Variants in PELI2 observed in about 807,000 individuals in gnomAD.
PELI2 encodes E3 ubiquitin-protein ligase pellino homolog 2.
PELI2 carries 23 observed loss-of-function variants against 42.3 expected under a neutral mutation model. The ratio of observed to expected loss-of-function variants is 0.54; its 90% CI spans 0.39 to 0.77. The LOEUF (loss-of-function observed/expected upper bound fraction) is 0.77, where lower values mean the gene tolerates loss of function less well. Ranked by LOEUF, PELI2 falls within the 30% of genes least tolerant of loss-of-function variation. The pLI is 0.00. For missense variants in PELI2, 463 were observed against 553.2 expected (o/e 0.84, Z 1.64); for synonymous variants, 245 against 212.2 (o/e 1.15, Z -1.34).
intron 3 of PELI2, among the ~76,000 whole-genome samples, chr14:56,287,996 A>T (rs1054607682): frequency 3.3e-5 from 5 of 152,132 alleles, no homozygotes; most frequent in Admixed American, 6.5e-5. Context: ...AATCCAAGAG[A>T]TAAAATCTGA....
At chr14:56,230,780 G>A (rs1255998201) in intron 2 of PELI2, among the ~76,000 whole-genome samples, 5 of 152,196 alleles carry the variant, frequency 3.3e-5, no homozygotes, top group Admixed American at 6.5e-5. Context: ...TGGGCTAAAT[G>A]TTCCAATTAA....
intron 4 of PELI2, among the ~76,000 whole-genome samples, chr14:56,289,951 A>G (rs188091887): frequency 2.6e-5 from 4 of 152,312 alleles, no homozygotes; most frequent in African/African-American, 9.6e-5. Context: ...AAAACACACC[A>G]GATTCCTGGA....
intron 1 of PELI2, among the ~76,000 whole-genome samples, chr14:56,120,337 A>G (rs1883015992): frequency 6.6e-6 from 1 of 152,200 alleles, no homozygotes; most frequent in Non-Finnish European, 1.5e-5. Flanking sequence ...ACTTTATTTC[A>G]TTATTTCCTT....
chr14:56,172,164 G>T (rs1484447582), intron 1 of PELI2, among the ~76,000 whole-genome samples: 1 of 152,168 alleles, frequency 6.6e-6, no homozygotes, highest in Non-Finnish European at 1.5e-5. Context: ...AATTCTGTGG[G>T]TCAGGAGTTT....
At chr14:56,282,584 A>T (rs1330925622) in intron 3 of PELI2, among the ~76,000 whole-genome samples, 1 of 151,978 alleles carries the variant, frequency 6.6e-6, no homozygotes, top group East Asian at 1.9e-4. Flanking sequence ...TTAGATATTT[A>T]AAAACTAAAT....
intron 2 of PELI2, among the ~76,000 whole-genome samples, chr14:56,184,595 C>T (rs966835167): frequency 6.6e-6 from 1 of 151,814 alleles, no homozygotes; most frequent in East Asian, 1.9e-4. Context: ...ACAGAACAAT[C>T]CAATAAATAA....
intron 2 of PELI2, among the ~76,000 whole-genome samples, chr14:56,185,982 A>G (rs1339347958): frequency 1.3e-5 from 2 of 152,194 alleles, no homozygotes; most frequent in Non-Finnish European, 2.9e-5. Context: ...ATTACCTTAC[A>G]TGGCAAAAGG....
chr14:56,262,503 C>T (rs770430872), intron 2 of PELI2, among the ~76,000 whole-genome samples: 12 of 152,140 alleles, frequency 7.9e-5, no homozygotes, highest in East Asian at 1.9e-4. Flanking sequence ...CAATTCTTTT[C>T]GCCATTAATT....
intron 2 of PELI2, among the ~76,000 whole-genome samples, chr14:56,247,472 C>T (rs555380481): frequency 6.6e-6 from 1 of 152,284 alleles, no homozygotes; most frequent in African/African-American, 2.4e-5. Flanking sequence ...TCTGAACCTA[C>T]ACATATAAAT....
At position 56,203,812 on chromosome 14, in the gene PELI2, A is replaced by T. The variant is rs115796247; in HGVS notation, c.207+25348A>T. On this transcript the variant is annotated intron_variant, in intron 2 of 5. Coordinates refer to ENST00000267460, the MANE Select transcript of PELI2 (RefSeq NM_021255.3). ...GGAAAGGGATTATGGCTATATATAC[A>T]GGAGGTCTCACCCTACTCTAAATTA... is the stretch of plus-strand genomic sequence containing the variant. Among the ~76,000 whole-genome samples, 190 of 152,300 alleles carry T rather than the reference A, an allele frequency of 1.2e-3. 2 individuals carry two copies. The highest frequency in any genetic ancestry group is 4.1e-3 in the African/African-American group (172 of 41,566).
chr14:56,275,803 C>T (rs1233445333), intron 2 of PELI2, among the ~76,000 whole-genome samples: 1 of 152,176 alleles, frequency 6.6e-6, no homozygotes, highest in Non-Finnish European at 1.5e-5. Flanking sequence ...ACACAGCAAG[C>T]TGCTTGAGCT....
chr14:56,118,778 G>A (rs1339388460), intron 1 of PELI2, 41 bp downstream of exon 1: 7 of 1,359,342 alleles, frequency 5.1e-6, no homozygotes, highest in African/African-American at 1.5e-5. Flanking sequence ...CGGCGCGGGC[G>A]GGGAGCGCCC....
chr14:56,256,374 C>A (rs940373694), intron 2 of PELI2, among the ~76,000 whole-genome samples: 1 of 151,932 alleles, frequency 6.6e-6, no homozygotes, highest in Non-Finnish European at 1.5e-5. Context: ...ATCTCTTGAA[C>A]CTAAAAAGAT....
intron 1 of PELI2, among the ~76,000 whole-genome samples, chr14:56,126,115 G>A (rs1384026337): frequency 6.6e-6 from 1 of 152,148 alleles, no homozygotes; most frequent in Non-Finnish European, 1.5e-5. Context: ...CTTTTTGTCA[G>A]TCACCTAGCA....
In PELI2 at chr14:56,207,142, C is replaced by T. The variant is rs984085189; in HGVS notation, c.207+28678C>T. 2.0e-5 allele frequency among the ~76,000 whole-genome samples: 3 copies of T among 152,080 alleles called. No homozygotes were observed. The East Asian group carries it at 5.8e-4, about 29-fold the overall frequency. On this transcript the variant is annotated intron_variant, in intron 2 of 5. Transcript: ENST00000267460. ...TATCTTTTCTCCTCACCCTTAGACA[C>T]ATGCTAAGATTACTAGATTACTAGT...
chr14:56,267,559 A>G (rs1490905718), intron 2 of PELI2, among the ~76,000 whole-genome samples: 1 of 152,194 alleles, frequency 6.6e-6, no homozygotes, highest in Non-Finnish European at 1.5e-5. Context: ...TGTAATCTGC[A>G]TGTTTCCAGC....
At chr14:56,138,320 A>C (rs1258383512) in intron 1 of PELI2, among the ~76,000 whole-genome samples, 4 of 152,258 alleles carry the variant, frequency 2.6e-5, no homozygotes, top group Admixed American at 1.3e-4. Context: ...GCATTTCTAC[A>C]TAGATTTTGA....
At chr14:56,191,485 A>G (rs901356726) in intron 2 of PELI2, among the ~76,000 whole-genome samples, 11 of 152,236 alleles carry the variant, frequency 7.2e-5, no homozygotes, top group African/African-American at 2.4e-4. Context: ...AGTCCAGGCC[A>G]CAAAGACTGT....
At chr14:56,293,860 G>A (rs1338903920) in intron 5 of PELI2, among the ~76,000 whole-genome samples, 4 of 152,206 alleles carry the variant, frequency 2.6e-5, no homozygotes, top group Admixed American at 2.6e-4. Context: ...CAGGAGGAAA[G>A]GGGGGTTGTT....
Sources: allele counts gnomAD v4.1 joint callset (sites outside exome capture counted in the v4.1 genomes callset), GRCh38; gene constraint gnomAD v4.1.1; transcripts MANE v1.5; gene names NCBI Gene and HGNC (gene_info 2026-07-23, HGNC 2026-07-21).